Variants in NEK11 observed in about 807,000 individuals in gnomAD.
The protein encoded by NEK11 is NIMA related kinase 11.
In NEK11, 72 loss-of-function variants were observed where a neutral mutation model predicts 80.7. The observed-to-expected ratio is 0.89, with a 90% CI of 0.74 to 1.08. The LOEUF (loss-of-function observed/expected upper bound fraction) is 1.08. Among genes scored for constraint, NEK11 ranks in the 50% least tolerant of loss-of-function variants. The pLI is 0.00. For missense variants in NEK11, 764 were observed against 763.6 expected, an observed-to-expected ratio of 1.00 and a Z score of -0.01; for synonymous variants, 251 against 260.7, an observed-to-expected ratio of 0.96 and a Z score of 0.36.
chr3:131,186,972 A>G (rs991775992), intron 14 of NEK11, among the ~76,000 whole-genome samples: 1 of 152,174 alleles, frequency 6.6e-6, no homozygotes, highest in Non-Finnish European at 1.5e-5. Flanking sequence ...GCTTTGAATT[A>G]CTTCCATTAT....
chr3:131,071,634 A>G (rs2073322639), intron 3 of NEK11, among the ~76,000 whole-genome samples: 1 of 152,046 alleles, frequency 6.6e-6, no homozygotes, highest in Non-Finnish European at 1.5e-5. Context: ...ATTTTGAATT[A>G]TGTTTTCAAA....
intron 14 of NEK11, among the ~76,000 whole-genome samples, chr3:131,195,423 T>C (rs1246899304): frequency 1.5e-5 from 2 of 132,664 alleles, no homozygotes; most frequent in Non-Finnish European, 3.5e-5. Flanking sequence ...TGCCCACATC[T>C]TTCCCATCTT....
At chr3:131,132,636 G>A (rs138454578) in intron 5 of NEK11, 109 bp from the exon 6 acceptor site, 8 of 607,940 alleles carry the variant, frequency 1.3e-5, no homozygotes, top group Non-Finnish European at 2.3e-5. Flanking sequence ...TATATCTATG[G>A]GAGTATATAT....
chr3:131,071,339 TC>T (rs1412020293), intron 3 of NEK11, among the ~76,000 whole-genome samples: 3 of 152,114 alleles, frequency 2.0e-5, no homozygotes, highest in Non-Finnish European at 4.4e-5. Flanking sequence ...CTTTTTCTTT[TC>T]TTTTTTGGCA....
chr3:131,203,404 G>A (rs1298695656), intron 14 of NEK11, among the ~76,000 whole-genome samples: 1 of 138,488 alleles, frequency 7.2e-6, no homozygotes, highest in African/African-American at 2.7e-5. Flanking sequence ...ACAGGAAGGG[G>A]AACATCACAC....
At chr3:131,208,524 G>T (rs1476502201) in intron 14 of NEK11, among the ~76,000 whole-genome samples, 1 of 152,134 alleles carries the variant, frequency 6.6e-6, no homozygotes, top group African/African-American at 2.4e-5. Context: ...GCTTGATGGG[G>T]ATGGCATTGA....
At chr3:131,132,515 C>T (rs1307176282) in intron 5 of NEK11, among the ~76,000 whole-genome samples, 2 of 151,914 alleles carry the variant, frequency 1.3e-5, no homozygotes, top group Non-Finnish European at 2.9e-5. Flanking sequence ...AGCATATCAC[C>T]GTTCTCCAAA....
intron 7 of NEK11, among the ~76,000 whole-genome samples, chr3:131,138,521 T>C (rs1433209673): frequency 1.3e-5 from 2 of 152,134 alleles, no homozygotes; most frequent in African/African-American, 2.4e-5. Flanking sequence ...CCTGGCTGGC[T>C]TCATCATCTG....
rs2064484748 is a variant in NEK11 at position 131,029,641 on chromosome 3, C to G, written c.-68C>G. 15 of 1,460,056 alleles carry G rather than the reference C, an allele frequency of 1.0e-5. 1 individual carries two copies. The South Asian group carries it at 1.9e-4, about 18-fold the overall frequency. The allele number at this position is 1,460,056 out of a possible 1,614,324, so 90.4% of individuals were successfully genotyped here. On this transcript the variant is annotated 5_prime_UTR_variant, in exon 3 of 18. Coordinates refer to ENST00000383366, the MANE Select transcript of NEK11 (RefSeq NM_024800.5). The stretch of plus-strand genomic sequence containing the variant: ...CTGACCAACACTGGATGAATTTGAC[C>G]ATTTCTTAGGAGACTGGAATGTTAA...
chr3:131,335,606 C>A (rs201786294), intron 17 of NEK11, among the ~76,000 whole-genome samples: 19,458 of 151,476 alleles, frequency 0.13, 1,879 homozygotes, highest in East Asian at 0.3. Context: ...TAGTGTTGGA[C>A]GTTCTGGCCA....
At chr3:131,131,073 A>G (rs2084368726) in intron 5 of NEK11, among the ~76,000 whole-genome samples, 1 of 152,192 alleles carries the variant, frequency 6.6e-6, no homozygotes. Flanking sequence ...AAGTGCTTGG[A>G]CCACAGGAAT....
At chr3:131,051,586 A>T (rs1166515879) in intron 3 of NEK11, among the ~76,000 whole-genome samples, 3 of 152,190 alleles carry the variant, frequency 2.0e-5, no homozygotes, top group Non-Finnish European at 2.9e-5. Context: ...ACAAGACCCT[A>T]CATATCTCAG....
chr3:131,033,355 C>T (rs2065156924), intron 3 of NEK11, among the ~76,000 whole-genome samples: 1 of 152,206 alleles, frequency 6.6e-6, no homozygotes, highest in South Asian at 2.1e-4. Context: ...AAGATGAATA[C>T]TTTATACAGA....
intron 17 of NEK11, among the ~76,000 whole-genome samples, chr3:131,278,541 G>A (rs1383574292): frequency 6.8e-6 from 1 of 147,856 alleles, no homozygotes; most frequent in South Asian, 2.1e-4. Flanking sequence ...GTTCAAAAAA[G>A]TTTTTTGTTT....
At chr3:131,075,657 A>G (rs1255261595) in intron 3 of NEK11, among the ~76,000 whole-genome samples, 2 of 152,198 alleles carry the variant, frequency 1.3e-5, no homozygotes, top group East Asian at 3.9e-4. Context: ...CCTTAAATAC[A>G]TTAGAAGAGT....
intron 3 of NEK11, among the ~76,000 whole-genome samples, chr3:131,068,195 C>T (rs967445931): frequency 6.6e-6 from 1 of 152,180 alleles, no homozygotes; most frequent in African/African-American, 2.4e-5. Context: ...ACACTTTTAG[C>T]CCTGGCAGTC....
intron 17 of NEK11, among the ~76,000 whole-genome samples, chr3:131,296,227 T>G (rs1009334896): frequency 3.3e-5 from 5 of 152,104 alleles, no homozygotes; most frequent in Admixed American, 6.6e-5. Context: ...CTCTCCTCCA[T>G]CCCTTCTATA....
intron 15 of NEK11, among the ~76,000 whole-genome samples, chr3:131,230,978 C>A (rs1042535376): frequency 1.3e-5 from 2 of 152,086 alleles, no homozygotes; most frequent in African/African-American, 4.8e-5. Context: ...TCTCTCTTGC[C>A]TGCAGCCAGG....
chr3:131,308,904 T>C (rs2096749412), intron 17 of NEK11, among the ~76,000 whole-genome samples: 1 of 152,130 alleles, frequency 6.6e-6, no homozygotes. Flanking sequence ...GACCACCAGG[T>C]ATTAGTTAGA....
Sources: allele counts gnomAD v4.1 joint callset (sites outside exome capture counted in the v4.1 genomes callset), GRCh38; gene constraint gnomAD v4.1.1; transcripts MANE v1.5; gene names NCBI Gene and HGNC (gene_info 2026-07-23, HGNC 2026-07-21).